The following NREP variants were observed in gnomAD, a reference collection of about 807,000 sequenced individuals.
The protein encoded by NREP is neuronal regeneration related protein.
In NREP, 5 loss-of-function variants were observed where a neutral mutation model predicts 8.6. That is an observed-to-expected ratio of 0.58 (90% CI 0.30 to 1.22). NREP has a LOEUF of 1.22. Among genes scored for constraint, NREP ranks in the 50% most tolerant of loss-of-function variants. The probability of loss-of-function intolerance (pLI) is 0.07; values close to 1 mark genes in which losing one functional copy is unlikely to be tolerated. For missense variants in NREP, 86 were observed against 82.5 expected, an observed-to-expected ratio of 1.04 and a Z score of -0.17; for synonymous variants, 27 against 28.0, an observed-to-expected ratio of 0.96 and a Z score of 0.11.
At chr5:111,737,757 T>C (rs1265214834) in intron 2 of NREP, among the ~76,000 whole-genome samples, 1 of 148,052 alleles carries the variant, frequency 6.8e-6, no homozygotes, top group African/African-American at 2.5e-5. Flanking sequence ...AAAAAGCCAA[T>C]GACTTTTGCC....
At chr5:111,923,574 T>C (rs1755304271) in intron 2 of NREP, among the ~76,000 whole-genome samples, 1 of 152,146 alleles carries the variant, frequency 6.6e-6, no homozygotes, top group Non-Finnish European at 1.5e-5. Context: ...TTCTGCCACA[T>C]TATGTGGGGT....
intron 2 of NREP, among the ~76,000 whole-genome samples, chr5:111,843,790 C>G (rs1753090562): frequency 6.6e-6 from 1 of 152,138 alleles, no homozygotes; most frequent in Non-Finnish European, 1.5e-5. Context: ...GTGCTGAAGT[C>G]CTCAGGCTGG....
chr5:111,884,972 C>T (rs1255378625), intron 2 of NREP, among the ~76,000 whole-genome samples: 1 of 152,142 alleles, frequency 6.6e-6, no homozygotes, highest in African/African-American at 2.4e-5. Flanking sequence ...AAGTTCTAGC[C>T]AGGGCAATTA....
chr5:111,886,522 C>T (rs1041365430), intron 2 of NREP, among the ~76,000 whole-genome samples: 2 of 151,674 alleles, frequency 1.3e-5, no homozygotes, highest in East Asian at 1.9e-4. Context: ...CACATGCACA[C>T]GTATGTTTAT....
At chr5:111,859,852 A>G (rs1753505855) in intron 2 of NREP, among the ~76,000 whole-genome samples, 2 of 151,934 alleles carry the variant, frequency 1.3e-5, no homozygotes. Flanking sequence ...GTAAACATAA[A>G]CCTAAATTAA....
intron 2 of NREP, among the ~76,000 whole-genome samples, chr5:111,843,731 A>G (rs1753089250): frequency 6.6e-6 from 1 of 152,158 alleles, no homozygotes. Context: ...CAGTCAGCCC[A>G]TTTAGAGATT....
chr5:111,825,286 C>G (rs1752596865), intron 2 of NREP, among the ~76,000 whole-genome samples: 1 of 152,130 alleles, frequency 6.6e-6, no homozygotes, highest in South Asian at 2.1e-4. Context: ...CATATCAAAG[C>G]AAAGTGCTCA....
intron 2 of NREP, among the ~76,000 whole-genome samples, chr5:111,752,096 C>T (rs1329018249): frequency 6.6e-6 from 1 of 152,086 alleles, no homozygotes; most frequent in East Asian, 1.9e-4. Context: ...GTATATTTTC[C>T]TATTTTAGAA....
intron 2 of NREP, among the ~76,000 whole-genome samples, chr5:111,972,468 T>C (rs1173833260): frequency 6.6e-6 from 1 of 152,242 alleles, no homozygotes; most frequent in Admixed American, 6.5e-5. Context: ...GGCTCACTGA[T>C]CTGCTTTAAT....
chr5:111,790,745 T>C (rs1751725554), intron 2 of NREP, among the ~76,000 whole-genome samples: 1 of 145,498 alleles, frequency 6.9e-6, no homozygotes. Flanking sequence ...AATGAGGATC[T>C]AGTTATTCCA....
intron 2 of NREP, among the ~76,000 whole-genome samples, chr5:111,771,112 T>C (rs996038617): frequency 6.6e-6 from 1 of 152,168 alleles, no homozygotes; most frequent in Non-Finnish European, 1.5e-5. Flanking sequence ...GAGAATTGCA[T>C]TGATACTTTA....
intron 2 of NREP, among the ~76,000 whole-genome samples, chr5:111,903,754 A>G (rs1754708331): frequency 6.6e-6 from 1 of 152,176 alleles, no homozygotes; most frequent in Admixed American, 6.5e-5. Flanking sequence ...GCAGCAACAC[A>G]GAGAAAAACA....
At chr5:111,898,198 C>A (rs747115832) in intron 2 of NREP, among the ~76,000 whole-genome samples, 1 of 151,998 alleles carries the variant, frequency 6.6e-6, no homozygotes, top group Non-Finnish European at 1.5e-5. Flanking sequence ...ACGTTGAGAA[C>A]AGCTATAAAG....
chr5:111,744,308 T>C (rs928338392), intron 2 of NREP, among the ~76,000 whole-genome samples: 2 of 152,138 alleles, frequency 1.3e-5, no homozygotes, highest in South Asian at 2.1e-4. Flanking sequence ...CAATAGCAAA[T>C]AGTATCATAA....
chr5:111,952,066 T>C (rs940208665), intron 2 of NREP, among the ~76,000 whole-genome samples: 2 of 152,154 alleles, frequency 1.3e-5, no homozygotes, highest in East Asian at 1.9e-4. Flanking sequence ...AAAGTTCTTC[T>C]ACAGTGCTTA....
chr5:111,888,604 G>A (rs1477949531), intron 2 of NREP, among the ~76,000 whole-genome samples: 1 of 152,152 alleles, frequency 6.6e-6, no homozygotes, highest in Non-Finnish European at 1.5e-5. Context: ...TTTGGGTGGG[G>A]ACATAGAGCC....
At chr5:111,808,302 G>C (rs561845814) in intron 2 of NREP, among the ~76,000 whole-genome samples, 1 of 152,284 alleles carries the variant, frequency 6.6e-6, no homozygotes, top group East Asian at 1.9e-4. Flanking sequence ...TGCTGGGGAG[G>C]GGGTGTCTAT....
At chr5:111,941,216 C>T (rs547809436) in intron 2 of NREP, among the ~76,000 whole-genome samples, 1 of 152,164 alleles carries the variant, frequency 6.6e-6, no homozygotes, top group South Asian at 2.1e-4. Context: ...AGTTATTAAT[C>T]AGTCATTTTT....
chr5:111,927,316 C>A (rs1755415765), intron 2 of NREP, among the ~76,000 whole-genome samples: 1 of 152,088 alleles, frequency 6.6e-6, no homozygotes, highest in Non-Finnish European at 1.5e-5. Flanking sequence ...CCAATCAAGA[C>A]TCAAAATGGG....
Sources: gnomAD v4.1 joint callset for allele counts (sites outside exome capture counted in the v4.1 genomes callset) on GRCh38, gnomAD v4.1.1 for gene constraint, MANE v1.5 for transcripts, NCBI Gene and HGNC (gene_info 2026-07-23, HGNC 2026-07-21) for gene names.